The following RNF103 variants were observed in gnomAD, a reference collection of about 807,000 sequenced individuals.
The protein encoded by RNF103 is ring finger protein 103, also known as E3 ubiquitin-protein ligase RNF103.
RNF103 carries 23 observed loss-of-function variants against 66.2 expected under a neutral mutation model. The ratio of observed to expected loss-of-function variants is 0.35; its 90% CI spans 0.25 to 0.49. RNF103 has a LOEUF of 0.49. Among genes scored for constraint, RNF103 ranks in the 20% least tolerant of loss-of-function variants. RNF103 has a pLI of 0.98. For synonymous variants in RNF103, 297 were observed against 289.9 expected (o/e 1.02, Z -0.25); for missense variants, 730 against 814.7 (o/e 0.90, Z 1.27).
At chr2:86,609,759 T>A (rs1678716637) in intron 3 of RNF103, among the ~76,000 whole-genome samples, 1 of 152,112 alleles carries the variant, frequency 6.6e-6, no homozygotes, top group Non-Finnish European at 1.5e-5. Flanking sequence ...AGCTGTACAG[T>A]GGGACCAGCA....
In RNF103 at chr2:86,623,052, C is replaced by T. The variant is rs1228330543; in HGVS notation, c.-166G>A. On this transcript the variant is annotated 5_prime_UTR_variant, in exon 1 of 4. Transcript: ENST00000237455. ...CCATCCCCGGCGGGGAAGCAGGTGA[C>T]GGGATCCGCGCGGGCGCGAGGCGGC... 3.1e-6 allele frequency: 4 copies of T among 1,311,332 alleles called. No homozygotes were observed. The highest frequency in any genetic ancestry group is 3.9e-6 in the Non-Finnish European group (4 of 1,035,762). The allele number at this position is 1,311,332 out of a possible 1,614,324, so 81.2% of individuals were successfully genotyped here.
In RNF103 at chr2:86,605,348, C is replaced by T; in HGVS notation, c.553G>A (p.Gly185Arg). The change falls in exon 4 of 4, where the codon GGG (glycine) becomes AGG (arginine). Residue 185 changes from glycine to arginine, a missense_variant. Gly to Arg is a moderately radical substitution (Grantham distance 125). This residue lies in a region of RNF103 where 327 missense variants were observed against 369.8 expected (regional missense o/e 0.88). Transcript: ENST00000237455. The stretch of plus-strand genomic sequence containing the variant: ...CTGTATTCTTTAAGCATGACTTTCC[C>T]TTTTGAAGTACTTGTTTGTGGAACA... Reference protein sequence around the residue: ...MSVPQTSTSKGKVMLKEYSGR... With the variant: ...MSVPQTSTSKRKVMLKEYSGR... 1 of 1,614,150 alleles carries T rather than the reference C, an allele frequency of 6.2e-7. No individual in the cohort carries two copies. Among genetic ancestry groups the T allele is most frequent in the Non-Finnish European group, 8.5e-7 (1 of 1,180,014 alleles).
chr2:86,607,796 A>G (rs907786136), intron 3 of RNF103, among the ~76,000 whole-genome samples: 1 of 152,216 alleles, frequency 6.6e-6, no homozygotes, highest in East Asian at 1.9e-4. Flanking sequence ...CATCTATTTT[A>G]TCTTCCTACT....
intron 2 of RNF103, chr2:86,617,932 GC>G: frequency 2.5e-6 from 2 of 804,612 alleles, no homozygotes; most frequent in Non-Finnish European, 3.6e-6. Flanking sequence ...TTCAGACCAG[GC>G]CAGCCATTTG....
intron 2 of RNF103, 86 bp from the exon 3 acceptor site, chr2:86,612,360 TA>T (rs202089104): frequency 7.1e-4 from 507 of 711,336 alleles, no homozygotes; most frequent in South Asian, 9.1e-4. Flanking sequence ...TAATTTCACT[TA>T]AAAAAAAAGA....
At chr2:86,621,991 CAG>C (rs1393538856) in intron 1 of RNF103, among the ~76,000 whole-genome samples, 2 of 152,092 alleles carry the variant, frequency 1.3e-5, no homozygotes, top group Admixed American at 1.3e-4. Context: ...ACCTGTGACA[CAG>C]AAGACAAAAA....
chr2:86,618,102 C>A, intron 2 of RNF103: 1 of 422,142 alleles, frequency 2.4e-6, no homozygotes, highest in Non-Finnish European at 4.9e-6. Flanking sequence ...AGTTGTTTTT[C>A]AACTATTAAT....
Position 86,603,507 on chromosome 2 carries a change from A to G in RNF103, c.*336T>C, listed in dbSNP as rs1056378367. ...CAGAGATTGTAAAAAGGGAGGAAAC[A>G]TTTAGGATAAGAAACCGGCTCAATT... On this transcript the variant is annotated 3_prime_UTR_variant, in exon 4 of 4. Transcript: ENST00000237455. The G allele has an allele frequency of 4.1e-6, 1 of 246,640 alleles. No homozygotes were observed. Among genetic ancestry groups the G allele is most frequent in the Admixed American group, 5.0e-5 (1 of 19,838 alleles). 15.3% of individuals were successfully genotyped at this position (246,640 alleles called of 1,614,324 possible).
intron 2 of RNF103, among the ~76,000 whole-genome samples, chr2:86,615,720 C>T (rs1678993037): frequency 6.6e-6 from 1 of 151,828 alleles, no homozygotes; most frequent in Non-Finnish European, 1.5e-5. Flanking sequence ...TTAAAGACTA[C>T]AAAAAAACTG....
chr2:86,611,997 C>G (rs1678814648), intron 3 of RNF103, among the ~76,000 whole-genome samples, 162 bp downstream of exon 3: 1 of 152,086 alleles, frequency 6.6e-6, no homozygotes, highest in South Asian at 2.1e-4. Context: ...TCATTAGCTG[C>G]CAGTTTATCA....
At chr2:86,614,609 A>G (rs1678944770) in intron 2 of RNF103, 2 of 264,228 alleles carry the variant, frequency 7.6e-6, no homozygotes, top group Non-Finnish European at 1.1e-5. Context: ...TCTCAAAAAA[A>G]AGAGAGAAAA....
chr2:86,620,718 A>G (rs1679198825), intron 1 of RNF103, among the ~76,000 whole-genome samples: 1 of 152,242 alleles, frequency 6.6e-6, no homozygotes, highest in African/African-American at 2.4e-5. Flanking sequence ...CTTATAGAAC[A>G]GGGCTTATAT....
Position 86,605,341 on chromosome 2 carries a change from AC to A in RNF103, c.559del (p.Val187SerfsTer13), listed in dbSNP as rs1346288149. ...VPQTSTSKGK[V>X]MLKEYSGRKI... ...GCGTCCACTGTATTCTTTAAGCATGACTTTCCCTTTTGAAGTACTTGTTTGT... is the reference window on the plus strand; with the variant it reads ...GCGTCCACTGTATTCTTTAAGCATGATTTCCCTTTTGAAGTACTTGTTTGT... On this transcript the variant is annotated frameshift_variant, in exon 4 of 4. Coordinates refer to ENST00000237455, the MANE Select transcript of RNF103 (RefSeq NM_005667.4). LOFTEE classifies it high-confidence loss of function. The A allele has an allele frequency of 6.2e-7, 1 of 1,614,176 alleles. No individual in the cohort carries two copies. The highest frequency in any genetic ancestry group is 8.5e-7 in the Non-Finnish European group (1 of 1,180,008).
chr2:86,616,994 T>C (rs1679047458), intron 2 of RNF103: 1 of 985,224 alleles, frequency 1.0e-6, no homozygotes, highest in African/African-American at 1.7e-5. Context: ...CACAAAACTG[T>C]TAAATGAATA....
At position 86,604,281 on chromosome 2, in the gene RNF103, T is replaced by G. The variant is rs1402619978; in HGVS notation, c.1620A>C (p.Glu540Asp). Residue 540 changes from glutamate to aspartate, a missense_variant, in exon 4 of 4, where the codon GAA becomes GAC. Physicochemically the swap from Glu to Asp is conservative, Grantham distance 45. This residue lies in a region of RNF103 where 355 missense variants were observed against 351.9 expected (regional missense o/e 1.01). Transcript: ENST00000237455. ...TACTCAAAGTGTCTGTGTTCTCACT[T>G]TCCGAGTCATTTTCAGTATCTTGAG... ...EGSQDTENDS[E>D]SENTDTLSSE... The G allele has an allele frequency of 6.2e-7, 1 of 1,614,128 alleles. No homozygotes were observed. The highest frequency in any genetic ancestry group is 8.5e-7 in the Non-Finnish European group (1 of 1,180,052).
chr2:86,620,613 G>C, intron 1 of RNF103, 144 bp from the exon 2 acceptor site: 1 of 1,113,732 alleles, frequency 9.0e-7, no homozygotes, highest in South Asian at 3.0e-5. Flanking sequence ...GAAGAACCTG[G>C]ATATACCCAC....
At chr2:86,617,886 C>G (rs763365866) in intron 2 of RNF103, 184 of 1,046,712 alleles carry the variant, frequency 1.8e-4, no homozygotes, top group Non-Finnish European at 2.3e-4. Flanking sequence ...GGGTTTCAAT[C>G]TCATTCTTCT....
Position 86,604,515 on chromosome 2 carries a change from G to C in RNF103, c.1386C>G (p.Tyr462Ter). The C allele has an allele frequency of 1.2e-6, 2 of 1,614,228 alleles. No homozygotes were observed. The highest frequency in any genetic ancestry group is 1.7e-6 in the Non-Finnish European group (2 of 1,180,048). Residue 462 changes from tyrosine (Y) to a stop codon, truncating the protein, a stop_gained, in exon 4 of 4, where the codon TAC becomes TAG. Transcript: ENST00000237455. LOFTEE classifies it high-confidence loss of function. Reference sequence around the variant, plus strand: ...CAATCGGGTGGAAGAGGTAGCTGGTGTACCAGTCCCACAGACTTGATAACC... The same window carrying C: ...CAATCGGGTGGAAGAGGTAGCTGGTCTACCAGTCCCACAGACTTGATAACC... The part of the protein sequence containing the change: ...LEWLSSLWDW[Y>*]TSYLFHPIAS...
Position 86,622,867 on chromosome 2 carries a change from A to C in RNF103, c.20T>G (p.Phe7Cys), listed in dbSNP as rs757973702. 1 of 1,610,100 alleles carries C rather than the reference A, an allele frequency of 6.2e-7. No homozygotes were observed. Among genetic ancestry groups the C allele is most frequent in the Non-Finnish European group, 8.5e-7 (1 of 1,178,028 alleles). ...CAGGACCAGGAAATAGAGGAGCAAG[A>C]AAAAAAGCTTCAGCCACATCTTCCC... MWLKLF[F>C]LLLYFLVLFV... The change falls in exon 1 of 4, where the codon TTC becomes TGC. Residue 7 changes from phenylalanine to cysteine, a missense_variant. By Grantham distance (205) the Phe-to-Cys change is radical (BLOSUM62 -2). Around this residue, in one of 3 missense-constraint regions of RNF103, gnomAD observed 327 missense variants for 369.8 expected, o/e 0.88. Transcript: ENST00000237455.
Sources: gnomAD v4.1 joint callset for allele counts (sites outside exome capture counted in the v4.1 genomes callset) on GRCh38, gnomAD v4.1.1 for gene constraint, gnomAD v4.1.1 regional missense constraint, MANE v1.5 for transcripts, NCBI Gene and HGNC (gene_info 2026-07-23, HGNC 2026-07-21) for gene names.